SORCS3: variants seen among roughly 807,000 people sequenced by gnomAD.
SORCS3 encodes VPS10 domain-containing receptor SorCS3.
In SORCS3, 57 loss-of-function variants were observed where a neutral mutation model predicts 146.3. That is an observed-to-expected ratio of 0.39 (90% CI 0.31 to 0.49). SORCS3 has a LOEUF of 0.49. SORCS3 is among the 20% of genes least tolerant of loss of function. SORCS3 has a pLI of 0.92. For missense variants in SORCS3, 1,341 were observed against 1,575.5 expected (o/e 0.85, Z 2.52); for synonymous variants, 653 against 618.5 (o/e 1.06, Z -0.83).
At position 105,089,837 on chromosome 10, in the gene SORCS3, G is replaced by A. The variant is rs772377483; in HGVS notation, c.1091G>A (p.Gly364Glu). 6.2e-7 allele frequency: 1 copy of A among 1,613,796 alleles called. No homozygotes were observed. Among genetic ancestry groups the A allele is most frequent in the East Asian group, 2.2e-5 (1 of 44,864 alleles). ...CACATGGAGGTGCGGACCACGGATG[G>A]ATGTGAGTTCTGCTACAGCCAGGCT... ...LVHMEVRTTD[G>E]YAHYLTCRIQ... The change falls in exon 6 of 27, where the codon GGA becomes GAA. Residue 364 changes from glycine (G) to glutamate (E), a missense_variant and splice_region_variant. Gly to Glu is a moderately conservative substitution (Grantham distance 98). Coordinates refer to ENST00000369701, the MANE Select transcript of SORCS3 (RefSeq NM_014978.3).
chr10:105,234,746 A>G (rs2056783536), intron 20 of SORCS3, among the ~76,000 whole-genome samples: 2 of 151,898 alleles, frequency 1.3e-5, no homozygotes, highest in South Asian at 2.1e-4. Flanking sequence ...CTTTCTGTTT[A>G]CATTGCTCAT....
intron 7 of SORCS3, among the ~76,000 whole-genome samples, chr10:105,106,727 A>G (rs2055824477): frequency 6.6e-6 from 1 of 152,170 alleles, no homozygotes; most frequent in Non-Finnish European, 1.5e-5. Context: ...ACCATCTTCG[A>G]TGAGGGAGTG....
intron 1 of SORCS3, among the ~76,000 whole-genome samples, chr10:104,793,629 T>C (rs2017518423): frequency 6.6e-6 from 1 of 152,172 alleles, no homozygotes; most frequent in African/African-American, 2.4e-5. Context: ...GTAATATGGC[T>C]TTTAGTATTT....
intron 3 of SORCS3, among the ~76,000 whole-genome samples, chr10:104,949,733 C>T (rs775224856): frequency 2.6e-5 from 4 of 152,106 alleles, no homozygotes; most frequent in South Asian, 2.1e-4. Context: ...ACTACATAAA[C>T]GTTTTGATAT....
chr10:105,065,971 T>C (rs2055520098), intron 5 of SORCS3, among the ~76,000 whole-genome samples: 1 of 152,168 alleles, frequency 6.6e-6, no homozygotes, highest in African/African-American at 2.4e-5. Context: ...GTAGCTCCCA[T>C]GAAGCAGAAT....
chr10:105,118,735 T>G (rs574731831), intron 7 of SORCS3, among the ~76,000 whole-genome samples: 1 of 152,294 alleles, frequency 6.6e-6, no homozygotes, highest in Non-Finnish European at 1.5e-5. Context: ...CTTGTTATGC[T>G]TTAGCAAAGA....
chr10:104,960,315 G>C (rs976255181), intron 3 of SORCS3, among the ~76,000 whole-genome samples: 2 of 152,076 alleles, frequency 1.3e-5, no homozygotes, highest in African/African-American at 4.8e-5. Flanking sequence ...CAGATATCTA[G>C]GTTTAGGTTC....
At chr10:105,049,866 C>CT (rs1266489265) in intron 5 of SORCS3, among the ~76,000 whole-genome samples, 1 of 152,076 alleles carries the variant, frequency 6.6e-6, no homozygotes, top group Admixed American at 6.6e-5. Flanking sequence ...ACTATGCTTA[C>CT]TACCTGGGTT....
At chr10:104,708,680 C>T (rs3896427) in intron 1 of SORCS3, among the ~76,000 whole-genome samples, 148,821 of 152,194 alleles carry the variant, frequency 0.98, 72,859 homozygotes, top group East Asian at 1. Flanking sequence ...GGCCACATTT[C>T]TTCCCCCCCA....
At chr10:104,961,335 G>A (rs1431645608) in intron 3 of SORCS3, among the ~76,000 whole-genome samples, 1 of 152,050 alleles carries the variant, frequency 6.6e-6, no homozygotes, top group Non-Finnish European at 1.5e-5. Flanking sequence ...TTTAACCTGC[G>A]CCTTAGTCCA....
intron 25 of SORCS3, among the ~76,000 whole-genome samples, chr10:105,260,289 C>A (rs2056953162): frequency 6.6e-6 from 1 of 152,170 alleles, no homozygotes; most frequent in Admixed American, 6.5e-5. Context: ...GGTTTAACCA[C>A]CCCCAGACCT....
intron 2 of SORCS3, among the ~76,000 whole-genome samples, chr10:104,843,116 T>C (rs1388950868): frequency 6.6e-6 from 1 of 152,200 alleles, no homozygotes; most frequent in Non-Finnish European, 1.5e-5. Context: ...CTCATTCTAC[T>C]TGAAGAAGGT....
At chr10:104,749,226 GGTGTGTGTGTGTGTGT>G (rs60550253) in intron 1 of SORCS3, among the ~76,000 whole-genome samples, 29 of 140,998 alleles carry the variant, frequency 2.1e-4, no homozygotes, top group South Asian at 7.0e-4. Context: ...CAAAGTATAG[GGTGTGTGTGTGTGTGT>G]GTGTGTGTGT....
At chr10:104,894,925 T>C (rs192622260) in intron 2 of SORCS3, among the ~76,000 whole-genome samples, 3 of 152,198 alleles carry the variant, frequency 2.0e-5, no homozygotes, top group Admixed American at 2.0e-4. Flanking sequence ...CAGGCACTCA[T>C]GGGAGAGGCT....
intron 1 of SORCS3, chr10:104,665,055 T>C (rs939200073): frequency 6.6e-6 from 1 of 152,576 alleles, no homozygotes. Context: ...GCCTTCCAGC[T>C]GTCTGGCTTT....
intron 1 of SORCS3, among the ~76,000 whole-genome samples, chr10:104,748,411 C>A (rs1370108915): frequency 6.6e-6 from 1 of 152,102 alleles, no homozygotes; most frequent in African/African-American, 2.4e-5. Context: ...ATTTTCCTTT[C>A]TTTTAAAATT....
At chr10:104,810,719 AT>A (rs2017730831) in intron 1 of SORCS3, among the ~76,000 whole-genome samples, 1 of 152,202 alleles carries the variant, frequency 6.6e-6, no homozygotes, top group South Asian at 2.1e-4. Flanking sequence ...GATATTGGGA[AT>A]TTACTTTGCT....
chr10:104,848,762 G>A (rs1047693407), intron 2 of SORCS3, among the ~76,000 whole-genome samples: 1 of 152,104 alleles, frequency 6.6e-6, no homozygotes, highest in Admixed American at 6.5e-5. Context: ...TATATTAATC[G>A]AGCACCCATT....
chr10:105,058,137 C>T (rs767619176), intron 5 of SORCS3, among the ~76,000 whole-genome samples: 10 of 152,174 alleles, frequency 6.6e-5, no homozygotes, highest in South Asian at 4.1e-4. Flanking sequence ...GAGATGGAAC[C>T]CCTGGGGGAT....
Sources: gnomAD v4.1 joint callset for allele counts (sites outside exome capture counted in the v4.1 genomes callset) on GRCh38, gnomAD v4.1.1 for gene constraint, MANE v1.5 for transcripts, NCBI Gene and HGNC (gene_info 2026-07-23, HGNC 2026-07-21) for gene names.